FYN: variants seen among roughly 807,000 people sequenced by gnomAD.
The protein encoded by FYN is tyrosine-protein kinase Fyn.
In FYN, 10 loss-of-function variants were observed where a neutral mutation model predicts 70.2. The ratio of observed to expected loss-of-function variants is 0.14; its 90% confidence interval spans 0.09 to 0.24. The LOEUF is 0.24. Ranked by LOEUF, FYN falls within the 10% of genes least tolerant of loss-of-function variation. FYN has a pLI of 1.00. For missense variants in FYN, 319 were observed against 673.1 expected, an observed-to-expected ratio of 0.47 and a Z score of 5.82; for synonymous variants, 236 against 248.6, an observed-to-expected ratio of 0.95 and a Z score of 0.48.
chr6:111,714,639 C>T (rs1800536244), intron 4 of FYN, 196 bp from the exon 5 acceptor site: 1 of 575,124 alleles, frequency 1.7e-6, no homozygotes, highest in African/African-American at 1.9e-5. Context: ...GTAGGGGAAG[C>T]CTTACTGTAT....
intron 3 of FYN, among the ~76,000 whole-genome samples, chr6:111,775,102 G>A (rs1803654539): frequency 6.6e-6 from 1 of 152,212 alleles, no homozygotes; most frequent in Non-Finnish European, 1.5e-5. Flanking sequence ...AGGAAAGGCT[G>A]TGGGGTGGGA....
At chr6:111,739,349 T>C (rs1196385874) in intron 3 of FYN, among the ~76,000 whole-genome samples, 3 of 152,142 alleles carry the variant, frequency 2.0e-5, no homozygotes, top group Non-Finnish European at 4.4e-5. Context: ...TGATATGAGA[T>C]AAACACAAAT....
rs140872937 is a variant in FYN at position 111,848,351 on chromosome 6, T to C, written c.-122-1722A>G. ...ATACCCTTCTTTCAAGCATACTGTG[T>C]AATTCCAACAACATAGGATGCCCAA... On this transcript the variant is annotated intron_variant, in intron 1 of 13. Coordinates refer to ENST00000354650, the MANE Select transcript of FYN (RefSeq NM_002037.5). 8.5e-5 allele frequency among the ~76,000 whole-genome samples: 13 copies of C among 152,324 alleles called. No individual in the cohort carries two copies. The East Asian group carries it at 2.5e-3, about 29-fold the overall frequency.
At chr6:111,851,003 A>C (rs914042960) in intron 1 of FYN, among the ~76,000 whole-genome samples, 1 of 152,162 alleles carries the variant, frequency 6.6e-6, no homozygotes, top group Non-Finnish European at 1.5e-5. Flanking sequence ...ACCTTCTCCC[A>C]AGGTTAGAGA....
At chr6:111,864,959 C>T (rs1249860664) in intron 1 of FYN, among the ~76,000 whole-genome samples, 2 of 152,152 alleles carry the variant, frequency 1.3e-5, no homozygotes, top group African/African-American at 4.8e-5. Flanking sequence ...TAACACATGC[C>T]TCCGAGTTCA....
chr6:111,708,858 G>A (rs1341146200), intron 5 of FYN: 1 of 152,336 alleles, frequency 6.6e-6, no homozygotes, highest in East Asian at 1.9e-4. Flanking sequence ...CAGAGGAGGT[G>A]AAAGGGGATC....
chr6:111,782,173 C>A (rs988978699), intron 2 of FYN, among the ~76,000 whole-genome samples: 6 of 152,170 alleles, frequency 3.9e-5, no homozygotes, highest in African/African-American at 1.4e-4. Context: ...TTATTTTTCT[C>A]TTTTTAAAAG....
At chr6:111,736,829 T>C (rs1045934051) in intron 3 of FYN, among the ~76,000 whole-genome samples, 1 of 152,212 alleles carries the variant, frequency 6.6e-6, no homozygotes, top group Non-Finnish European at 1.5e-5. Flanking sequence ...ATCTTGCTTC[T>C]CTCTTAAGAC....
chr6:111,854,969 G>T (rs1003785679), intron 1 of FYN, among the ~76,000 whole-genome samples: 1 of 152,172 alleles, frequency 6.6e-6, no homozygotes, highest in Non-Finnish European at 1.5e-5. Flanking sequence ...TACTAACATA[G>T]CACTCTAGGA....
chr6:111,736,784 C>T (rs1216067903), intron 3 of FYN, among the ~76,000 whole-genome samples: 1 of 152,160 alleles, frequency 6.6e-6, no homozygotes, highest in East Asian at 1.9e-4. Flanking sequence ...GCACTAAATG[C>T]ACTCCCCTCT....
intron 2 of FYN, among the ~76,000 whole-genome samples, chr6:111,781,907 A>G (rs1771188838): frequency 6.6e-6 from 1 of 152,242 alleles, no homozygotes; most frequent in Non-Finnish European, 1.5e-5. Flanking sequence ...TTAGGCATAA[A>G]TGATACTTCA....
chr6:111,685,284 C>T (rs754301727), intron 12 of FYN, among the ~76,000 whole-genome samples: 4 of 152,204 alleles, frequency 2.6e-5, no homozygotes, highest in Non-Finnish European at 4.4e-5. Flanking sequence ...TGCCACATGA[C>T]GAGCTGGGCT....
intron 1 of FYN, among the ~76,000 whole-genome samples, chr6:111,853,827 C>T (rs1431474901): frequency 6.6e-6 from 1 of 152,098 alleles, no homozygotes; most frequent in Non-Finnish European, 1.5e-5. Flanking sequence ...CTGTGTTGCC[C>T]AGGCTGGTCA....
chr6:111,838,960 G>A (rs1207631204), intron 2 of FYN, among the ~76,000 whole-genome samples: 3 of 152,200 alleles, frequency 2.0e-5, no homozygotes, highest in Admixed American at 1.3e-4. Context: ...TCAGACCGGG[G>A]CTTCCTTTTA....
intron 1 of FYN, among the ~76,000 whole-genome samples, chr6:111,857,985 T>C (rs1192341380): frequency 1.3e-5 from 2 of 152,266 alleles, no homozygotes; most frequent in East Asian, 3.9e-4. Context: ...CTCAGTAGTA[T>C]CTGTGGCCAC....
chr6:111,683,896 A>G (rs1297337456), intron 12 of FYN, among the ~76,000 whole-genome samples: 2 of 152,202 alleles, frequency 1.3e-5, no homozygotes, highest in African/African-American at 4.8e-5. Context: ...AAACCCAATG[A>G]AACTTGGCAA....
intron 1 of FYN, among the ~76,000 whole-genome samples, chr6:111,869,582 C>T (rs1032714205): frequency 2.0e-5 from 3 of 152,192 alleles, no homozygotes; most frequent in African/African-American, 7.2e-5. Context: ...TTCGTGGAGA[C>T]GAGGTCTCAC....
At chr6:111,722,224 C>G (rs578077988) in intron 3 of FYN, among the ~76,000 whole-genome samples, 1 of 152,162 alleles carries the variant, frequency 6.6e-6, no homozygotes, top group East Asian at 1.9e-4. Context: ...GGAAAAGAGA[C>G]GCCTACTGCT....
intron 3 of FYN, among the ~76,000 whole-genome samples, chr6:111,752,082 C>T (rs1245386231): frequency 2.6e-5 from 4 of 152,100 alleles, no homozygotes; most frequent in South Asian, 4.1e-4. Context: ...AAGGCTTCTA[C>T]CAAAAGTTCA....
Sources: allele counts gnomAD v4.1 joint callset (sites outside exome capture counted in the v4.1 genomes callset), GRCh38; gene constraint gnomAD v4.1.1; transcripts MANE v1.5; gene names NCBI Gene and HGNC (gene_info 2026-07-23, HGNC 2026-07-21).